The following PTPRQ variants were observed in gnomAD, a reference collection of about 807,000 sequenced individuals.
The protein encoded by PTPRQ is protein tyrosine phosphatase receptor type Q.
In PTPRQ, 199 loss-of-function variants were observed where a neutral mutation model predicts 246.0. That is an observed-to-expected ratio of 0.81 (90% CI 0.72 to 0.91). PTPRQ has a LOEUF of 0.91. PTPRQ is among the 40% of genes least tolerant of loss of function. PTPRQ has a pLI of 0.00. For missense variants in PTPRQ, 2,624 were observed against 2,528.4 expected (o/e 1.04, Z -0.81); for synonymous variants, 869 against 853.2 (o/e 1.02, Z -0.32).
chr12:80,520,427 C>G (rs529892493), intron 17 of PTPRQ, among the ~76,000 whole-genome samples: 9 of 152,114 alleles, frequency 5.9e-5, no homozygotes, highest in Admixed American at 2.0e-4. Context: ...TGTTACATAT[C>G]TATACATGTG....
chr12:80,471,474 A>ATTTTTTTT (rs1176393485), intron 7 of PTPRQ, among the ~76,000 whole-genome samples: 3,525 of 73,108 alleles, frequency 0.048, 959 homozygotes, highest in African/African-American at 0.12. Flanking sequence ...ATTATTTAGC[A>ATTTTTTTT]TTTTTTTTTT....
chr12:80,539,967 T>A, intron 20 of PTPRQ, 23 bp downstream of exon 20: 1 of 1,424,732 alleles, frequency 7.0e-7, no homozygotes, highest in East Asian at 2.7e-5. Flanking sequence ...AAAACACTAA[T>A]CTTTAATATG....
intron 9 of PTPRQ, among the ~76,000 whole-genome samples, chr12:80,486,355 ATCTT>A (rs1475808955): frequency 6.6e-6 from 1 of 152,090 alleles, no homozygotes; most frequent in Non-Finnish European, 1.5e-5. Flanking sequence ...CTCTGATTAT[ATCTT>A]TCTTTATTAG....
At chr12:80,617,926 C>G (rs1455708655) in intron 30 of PTPRQ, among the ~76,000 whole-genome samples, 1 of 151,348 alleles carries the variant, frequency 6.6e-6, no homozygotes, top group Non-Finnish European at 1.5e-5. Context: ...CTACCTGAAA[C>G]CTGAGCCTCT....
rs577247628 is a variant in PTPRQ at position 80,445,522 on chromosome 12, A to G, written c.195A>G (p.Glu65=). 5 of 1,547,356 alleles carry G rather than the reference A, an allele frequency of 3.2e-6. No homozygotes were observed. Among genetic ancestry groups the G allele is most frequent in the African/African-American group, 2.7e-5 (2 of 73,000 alleles). The change falls in exon 3 of 45, where the codon GAA becomes GAG. Residue 65 remains glutamate, a synonymous_variant. Transcript: ENST00000644991. ...GGCCTCCAGTCTTCCTAGCCGGGGA[A>G]AGAGTCGGATCTGCTGGGATTCTTC... ...KPGPPVFLAG[E]RVGSAGILLS... is the part of the protein sequence containing the mutation.
At position 80,588,451 on chromosome 12, in the gene PTPRQ, C is replaced by T. The variant is rs764254734; in HGVS notation, c.4608C>T (p.Gly1536=). 14 of 1,476,866 alleles carry T rather than the reference C, an allele frequency of 9.5e-6. No individual in the cohort carries two copies. Among genetic ancestry groups the T allele is most frequent in the Non-Finnish European group, 1.3e-5 (14 of 1,112,728 alleles). The allele number at this position is 1,476,866 out of a possible 1,614,324, so 91.5% of individuals were successfully genotyped here. A position where few individuals can be genotyped will look rare whatever the true frequency, so the allele number is the denominator to read the frequency against. The change falls in exon 26 of 45, where the codon GGC becomes GGT. Residue 1536 remains glycine, a splice_region_variant and synonymous_variant. Coordinates refer to ENST00000644991, the MANE Select transcript of PTPRQ (RefSeq NM_001145026.2). The part of the protein sequence containing the change: ...SNWISTKTLP[G]PPDGPPENVH... ...GGATTTCTACAAAAACTCTGCCTGG[C>T]CGTGAGTATTGTCCTGACATGTACA...
At chr12:80,449,017 C>T (rs1892648851) in intron 3 of PTPRQ, among the ~76,000 whole-genome samples, 1 of 151,824 alleles carries the variant, frequency 6.6e-6, no homozygotes, top group Non-Finnish European at 1.5e-5. Context: ...CCTATTTCTC[C>T]ATATCCTCTC....
At position 80,472,171 on chromosome 12, in the gene PTPRQ, T is replaced by A. The variant is rs531589536; in HGVS notation, c.1106T>A (p.Met369Lys). The A allele has an allele frequency of 6.4e-7, 1 of 1,551,618 alleles. No individual in the cohort carries two copies. Among genetic ancestry groups the A allele is most frequent in the South Asian group, 1.2e-5 (1 of 84,052 alleles). ...TTCACTAACCTAACACCATTTACAA[T>A]GTATGATGTCTATATTGCGGCTGAA... ...FAFTNLTPFT[M>K]YDVYIAAETS... Residue 369 changes from methionine to lysine, a missense_variant, in exon 8 of 45, where the codon ATG (methionine) becomes AAG (lysine). Transcript: ENST00000644991.
intron 41 of PTPRQ, among the ~76,000 whole-genome samples, chr12:80,669,915 T>C (rs1450063679): frequency 1.3e-5 from 2 of 152,046 alleles, no homozygotes; most frequent in African/African-American, 4.8e-5. Flanking sequence ...GATCACTTTA[T>C]GGGATCTCAG....
chr12:80,504,973 A>G (rs575314620), intron 14 of PTPRQ, among the ~76,000 whole-genome samples: 47 of 151,966 alleles, frequency 3.1e-4, no homozygotes, highest in Admixed American at 6.6e-4. Context: ...TACCATTCAC[A>G]TAGACTTCTA....
At chr12:80,602,067 T>C (rs2121070427) in intron 26 of PTPRQ, among the ~76,000 whole-genome samples, 1 of 151,860 alleles carries the variant, frequency 6.6e-6, no homozygotes, top group Admixed American at 6.6e-5. Context: ...GGATGTTTTC[T>C]TGGCAATGTA....
intron 9 of PTPRQ, among the ~76,000 whole-genome samples, chr12:80,490,527 C>G (rs1894412549): frequency 6.6e-6 from 1 of 151,940 alleles, no homozygotes; most frequent in Admixed American, 6.6e-5. Context: ...GTGACATTCC[C>G]TAACTCAATG....
At chr12:80,550,504 TC>T in intron 25 of PTPRQ, among the ~76,000 whole-genome samples, 1 of 152,066 alleles carries the variant, frequency 6.6e-6, no homozygotes, top group Non-Finnish European at 1.5e-5. Flanking sequence ...ATCCTTTCCT[TC>T]TCATTCTTCC....
intron 25 of PTPRQ, among the ~76,000 whole-genome samples, chr12:80,565,933 G>T (rs1040000555): frequency 1.3e-5 from 2 of 152,100 alleles, no homozygotes; most frequent in South Asian, 2.1e-4. Flanking sequence ...GCCACTATGA[G>T]ATTAAACACA....
At chr12:80,476,494 G>A (rs1003969995) in intron 8 of PTPRQ, among the ~76,000 whole-genome samples, 5 of 152,064 alleles carry the variant, frequency 3.3e-5, no homozygotes, top group African/African-American at 1.2e-4. Flanking sequence ...AATATCTAGG[G>A]AGTCTTTACC....
Position 80,569,738 on chromosome 12 carries a change from G to GC in PTPRQ, c.4286-18385dup, listed in dbSNP as rs1215118221. Among the ~76,000 whole-genome samples, 116 of 143,286 alleles carry GC rather than the reference G, an allele frequency of 8.1e-4. 1 individual carries two copies. Among genetic ancestry groups the GC allele is most frequent in the African/African-American group, 2.8e-3 (108 of 38,572 alleles). 94.0% of individuals were successfully genotyped at this position (143,286 alleles called of 152,430 possible). ...TCCTCCTAATGCTATCCATCCCCTAGCCCCCCACCCCCGACAGGCCCCAGT... is the reference window on the plus strand; with the variant it reads ...TCCTCCTAATGCTATCCATCCCCTAGCCCCCCCACCCCCGACAGGCCCCAGT... On this transcript the variant is annotated intron_variant, in intron 25 of 44. Transcript: ENST00000644991.
At chr12:80,515,739 T>C in intron 17 of PTPRQ, among the ~76,000 whole-genome samples, 1 of 80,460 alleles carries the variant, frequency 1.2e-5, no homozygotes, top group South Asian at 5.8e-4. Flanking sequence ...TGACTGAATA[T>C]TTCTTTTTTT....
chr12:80,577,043 C>G (rs552473492), intron 25 of PTPRQ, among the ~76,000 whole-genome samples: 7 of 152,314 alleles, frequency 4.6e-5, no homozygotes, highest in African/African-American at 1.7e-4. Flanking sequence ...CTTCTAAGAA[C>G]TGTTTCAGAT....
chr12:80,637,226 G>A (rs1274636027), intron 35 of PTPRQ, among the ~76,000 whole-genome samples: 1 of 152,042 alleles, frequency 6.6e-6, no homozygotes, highest in South Asian at 2.1e-4. Context: ...TGACTGTCAT[G>A]GCAGCTACAG....
Sources: gnomAD v4.1 joint callset for allele counts (sites outside exome capture counted in the v4.1 genomes callset) on GRCh38, gnomAD v4.1.1 for gene constraint, MANE v1.5 for transcripts, NCBI Gene and HGNC (gene_info 2026-07-23, HGNC 2026-07-21) for gene names.